SH3RF3: variants seen among roughly 807,000 people sequenced by gnomAD.
SH3RF3 encodes the protein E3 ubiquitin-protein ligase SH3RF3.
In SH3RF3, 29 loss-of-function variants were observed where a neutral mutation model predicts 66.3. That is an observed-to-expected ratio of 0.44 (90% CI 0.33 to 0.60). The LOEUF (loss-of-function observed/expected upper bound fraction) is 0.60. SH3RF3 is among the 20% of genes least tolerant of loss of function. SH3RF3 has a pLI of 0.04. For missense variants in SH3RF3, 1,194 were observed against 1,190.9 expected, an observed-to-expected ratio of 1.00 and a Z score of -0.04; for synonymous variants, 583 against 532.0, an observed-to-expected ratio of 1.10 and a Z score of -1.32.
chr2:109,363,221 A>T (rs941969925), intron 2 of SH3RF3, among the ~76,000 whole-genome samples: 2 of 151,736 alleles, frequency 1.3e-5, no homozygotes, highest in African/African-American at 4.8e-5. Flanking sequence ...TTAGCATATC[A>T]GTTGTACCTC....
chr2:109,370,813 A>G (rs930049053), intron 2 of SH3RF3, among the ~76,000 whole-genome samples: 3 of 151,894 alleles, frequency 2.0e-5, no homozygotes, highest in Admixed American at 1.3e-4. Context: ...CACTTTGTGC[A>G]TTTATACTTG....
At chr2:109,359,522 C>G (rs563393809) in intron 2 of SH3RF3, among the ~76,000 whole-genome samples, 1 of 152,218 alleles carries the variant, frequency 6.6e-6, no homozygotes, top group South Asian at 2.1e-4. Flanking sequence ...TCATTTGTAC[C>G]TAAGTATTTC....
chr2:109,383,252 A>G (rs1436507325), intron 3 of SH3RF3, among the ~76,000 whole-genome samples: 1 of 152,236 alleles, frequency 6.6e-6, no homozygotes, highest in Non-Finnish European at 1.5e-5. Context: ...TGTTTGGTAC[A>G]GAAGAAACCA....
At chr2:109,277,608 G>A (rs946562398) in intron 1 of SH3RF3, among the ~76,000 whole-genome samples, 3 of 152,150 alleles carry the variant, frequency 2.0e-5, no homozygotes, top group Admixed American at 6.5e-5. Context: ...ACTCCTCCGC[G>A]TGCGTAGCTC....
Position 109,501,808 on chromosome 2 carries a change from G to A in SH3RF3, c.*137G>A. ...ACCTGGCGGGGGATACCCTGGCCCA[G>A]GGTGGGGGCCAGGGACTGTGGAGGT... is the stretch of plus-strand genomic sequence containing the variant. On this transcript the variant is annotated 3_prime_UTR_variant, in exon 10 of 10. Coordinates refer to ENST00000309415, the MANE Select transcript of SH3RF3 (RefSeq NM_001099289.3). 1 of 612,026 alleles carries A rather than the reference G, an allele frequency of 1.6e-6. No individual in the cohort carries two copies. The highest frequency in any genetic ancestry group is 2.9e-6 in the Non-Finnish European group (1 of 342,484). 37.9% of individuals were successfully genotyped at this position (612,026 alleles called of 1,614,324 possible). A position where few individuals can be genotyped will look rare whatever the true frequency, so the allele number is the denominator to read the frequency against.
intron 8 of SH3RF3, among the ~76,000 whole-genome samples, chr2:109,477,003 T>A (rs538219263): frequency 3.3e-5 from 5 of 152,190 alleles, no homozygotes; most frequent in Non-Finnish European, 5.9e-5. Context: ...AGCTGTTTTA[T>A]CAGCAGGGTC....
chr2:109,133,937 T>C (rs1676757826), intron 1 of SH3RF3, among the ~76,000 whole-genome samples: 1 of 152,142 alleles, frequency 6.6e-6, no homozygotes, highest in Non-Finnish European at 1.5e-5. Flanking sequence ...TTGGCTGTGT[T>C]ACAGAGGACG....
intron 1 of SH3RF3, among the ~76,000 whole-genome samples, chr2:109,284,074 G>T (rs928809610): frequency 6.6e-6 from 1 of 152,092 alleles, no homozygotes; most frequent in Non-Finnish European, 1.5e-5. Flanking sequence ...CCCTTGTCCT[G>T]CCCCCTGGCC....
chr2:109,305,579 A>G (rs1348803384), intron 1 of SH3RF3, among the ~76,000 whole-genome samples: 1 of 152,146 alleles, frequency 6.6e-6, no homozygotes, highest in African/African-American at 2.4e-5. Context: ...AGCAGTAGAG[A>G]GTCTCAGCTA....
At chr2:109,378,783 G>A (rs1347538939) in intron 3 of SH3RF3, among the ~76,000 whole-genome samples, 1 of 152,152 alleles carries the variant, frequency 6.6e-6, no homozygotes, top group South Asian at 2.1e-4. Context: ...CTGGAAGTTG[G>A]AAATGAAAAC....
At chr2:109,445,179 C>T (rs1677672500) in intron 7 of SH3RF3, among the ~76,000 whole-genome samples, 1 of 152,172 alleles carries the variant, frequency 6.6e-6, no homozygotes, top group Non-Finnish European at 1.5e-5. Flanking sequence ...GATGTATAAA[C>T]ATGGAGGATA....
At chr2:109,310,081 A>G (rs1319037285) in intron 1 of SH3RF3, among the ~76,000 whole-genome samples, 1 of 108,810 alleles carries the variant, frequency 9.2e-6, no homozygotes, top group Non-Finnish European at 1.7e-5. Context: ...AATTGACCAC[A>G]TGGTTGGAAG....
Position 109,469,233 on chromosome 2 carries a change from A to G in SH3RF3, c.2148+19744A>G, listed in dbSNP as rs183773941. ...GTGCGCTATCCCAGAATATTCCTGG[A>G]TGAGTGAGAATTTATCAGGAGGGAA... On this transcript the variant is annotated intron_variant, in intron 8 of 9. Transcript: ENST00000309415. Among the ~76,000 whole-genome samples the G allele has an allele frequency of 2.0e-4, 31 of 152,332 alleles. No individual in the cohort carries two copies. The East Asian group carries it at 5.2e-3, about 26-fold the overall frequency.
At chr2:109,328,964 G>A (rs911012294) in intron 1 of SH3RF3, among the ~76,000 whole-genome samples, 4 of 152,192 alleles carry the variant, frequency 2.6e-5, no homozygotes, top group African/African-American at 7.2e-5. Flanking sequence ...GCTTGGCCAC[G>A]TCCTTCCTCC....
rs1355672375 is a variant in SH3RF3 at position 109,449,236 on chromosome 2, A to G, written c.1895A>G (p.Asn632Ser). Residue 632 changes from asparagine (N) to serine (S), a missense_variant, in exon 8 of 10, where the codon AAC (asparagine) becomes AGC (serine). Physicochemically the swap from Asn to Ser is conservative, Grantham distance 46 (BLOSUM62 1). Coordinates refer to ENST00000309415, the MANE Select transcript of SH3RF3 (RefSeq NM_001099289.3). ...ACCGTGTCACCCCTGCGCACCCAGA[A>G]CTCTCCATCCCGCCTGCCTGCCACC... ...TATVSPLRTQ[N>S]SPSRLPATSL... The G allele has an allele frequency of 1.2e-6, 2 of 1,611,436 alleles. No individual in the cohort carries two copies. Among genetic ancestry groups the G allele is most frequent in the Non-Finnish European group, 1.7e-6 (2 of 1,179,246 alleles).
chr2:109,298,735 T>G (rs1670052981), intron 1 of SH3RF3, among the ~76,000 whole-genome samples: 1 of 152,140 alleles, frequency 6.6e-6, no homozygotes, highest in African/African-American at 2.4e-5. Context: ...CAGCTCACCC[T>G]GTGAAATATC....
At chr2:109,151,500 G>A (rs945914700) in intron 1 of SH3RF3, among the ~76,000 whole-genome samples, 5 of 152,150 alleles carry the variant, frequency 3.3e-5, no homozygotes, top group African/African-American at 1.2e-4. Context: ...CGTCACAAAT[G>A]GTAAAAAGAA....
intron 1 of SH3RF3, among the ~76,000 whole-genome samples, chr2:109,193,521 A>G (rs1380202533): frequency 6.6e-6 from 1 of 152,076 alleles, no homozygotes; most frequent in East Asian, 1.9e-4. Context: ...CGGCCTTTTT[A>G]TATCTGGCTT....
intron 1 of SH3RF3, among the ~76,000 whole-genome samples, chr2:109,191,727 G>A (rs1172927543): frequency 2.0e-5 from 3 of 152,154 alleles, no homozygotes; most frequent in Admixed American, 6.5e-5. Context: ...GTGCTGATGC[G>A]AGGGGAAGCC....
Sources: gnomAD v4.1 joint callset for allele counts (sites outside exome capture counted in the v4.1 genomes callset) on GRCh38, gnomAD v4.1.1 for gene constraint, MANE v1.5 for transcripts, NCBI Gene and HGNC (gene_info 2026-07-23, HGNC 2026-07-21) for gene names.